Variants in ZRANB1 observed in about 807,000 individuals in gnomAD.
The protein encoded by ZRANB1 is ubiquitin thioesterase ZRANB1.
A neutral mutation model predicts 80.5 loss-of-function variants in ZRANB1; 16 were observed. That is an observed-to-expected ratio of 0.20 (90% CI 0.13 to 0.30). ZRANB1 has a LOEUF of 0.30. Ranked by LOEUF, ZRANB1 falls within the 10% of genes least tolerant of loss-of-function variation. The pLI is 1.00. For missense variants in ZRANB1, 576 were observed against 862.6 expected (o/e 0.67, Z 4.16); for synonymous variants, 291 against 293.1 (o/e 0.99, Z 0.07).
chr10:124,942,930 T>C lies in ZRANB1; in HGVS notation c.437T>C (p.Leu146Pro). Residue 146 changes from leucine (L) to proline (P), a missense_variant, in exon 1 of 9, where the codon CTG becomes CCG. This residue lies in a region of ZRANB1 where 411 missense variants were observed against 583.1 expected (regional missense o/e 0.70). Transcript: ENST00000359653. ...PCEEYNDRNK[L>P]NTRTQHWTCS... ...GAGGAATACAATGATAGAAATAAAC[T>C]GAACACTAGGACACAGCACTGGACT... 1 of 1,614,206 alleles carries C rather than the reference T, an allele frequency of 6.2e-7. No homozygotes were observed. The highest frequency in any genetic ancestry group is 8.5e-7 in the Non-Finnish European group (1 of 1,180,040).
chr10:124,976,055 A>G (rs1951873987), intron 5 of ZRANB1, among the ~76,000 whole-genome samples: 1 of 152,230 alleles, frequency 6.6e-6, no homozygotes, highest in Non-Finnish European at 1.5e-5. Flanking sequence ...TTGTGGGCAC[A>G]TTAGAGAAAT....
At chr10:124,953,835 G>A (rs1951663724) in intron 1 of ZRANB1, among the ~76,000 whole-genome samples, 1 of 152,158 alleles carries the variant, frequency 6.6e-6, no homozygotes, top group South Asian at 2.1e-4. Flanking sequence ...GGAAACTCGT[G>A]AAGTTGTTCA....
chr10:124,945,140 A>G (rs2134245211), intron 1 of ZRANB1: 1 of 152,318 alleles, frequency 6.6e-6, no homozygotes, highest in East Asian at 1.9e-4. Flanking sequence ...CTCATTTGGC[A>G]TTTAGTGCAT....
rs201503132 is a variant in ZRANB1 at position 124,982,572 on chromosome 10, T to TAC, written c.1549-601_1549-600dup. On this transcript the variant is annotated intron_variant, in intron 6 of 8. Coordinates refer to ENST00000359653, the MANE Select transcript of ZRANB1 (RefSeq NM_017580.3). ...CCAAACTGTAAAGTACAAATATATATACAACTACTCCTTTTTTTTTGCAGA... is the reference window on the plus strand; with the variant it reads ...CCAAACTGTAAAGTACAAATATATATACACAACTACTCCTTTTTTTTTGCAGA... 7.6e-3 allele frequency among the ~76,000 whole-genome samples: 1,157 copies of TAC among 152,312 alleles called. 14 individuals carry two copies. Among genetic ancestry groups the TAC allele is most frequent in the African/African-American group, 0.027 (1,119 of 41,560 alleles).
chr10:124,945,471 G>A (rs1018318670), intron 1 of ZRANB1: 2 of 139,276 alleles, frequency 1.4e-5, no homozygotes, highest in African/African-American at 5.7e-5. Context: ...GGACTACAAG[G>A]TGGTGTTATA....
Position 124,985,297 on chromosome 10 carries a change from T to G in ZRANB1, c.*305T>G, listed in dbSNP as rs1952008261. ...CGCATGTGGTTGTGTAAGACATTGT[T>G]TAATAGGAAAAGTTGTACCAGCATC... On this transcript the variant is annotated 3_prime_UTR_variant, in exon 9 of 9. Transcript: ENST00000359653. 1 of 240,618 alleles carries G rather than the reference T, an allele frequency of 4.2e-6. No homozygotes were observed. The highest frequency in any genetic ancestry group is 8.0e-6 in the Non-Finnish European group (1 of 125,572). The allele number at this position is 240,618 out of a possible 1,614,324, so 14.9% of individuals were successfully genotyped here. A position where few individuals can be genotyped will look rare whatever the true frequency, so the allele number is the denominator to read the frequency against.
intron 2 of ZRANB1, among the ~76,000 whole-genome samples, chr10:124,969,362 A>G (rs1376237044): frequency 1.3e-5 from 2 of 152,200 alleles, no homozygotes; most frequent in African/African-American, 4.8e-5. Context: ...TCCATGGAGT[A>G]AATACTCCAA....
intron 3 of ZRANB1, 80 bp downstream of exon 3, chr10:124,972,198 G>A: frequency 7.0e-7 from 1 of 1,430,900 alleles, no homozygotes; most frequent in Non-Finnish European, 9.6e-7. Context: ...AAATGTTTCT[G>A]TTAGAAAGCA....
the ZRANB1 span, among the ~76,000 whole-genome samples, chr10:124,929,728 A>G: frequency 6.6e-6 from 1 of 151,678 alleles, no homozygotes; most frequent in African/African-American, 2.4e-5. Context: ...CGGGTGGATC[A>G]TGAGGTCAGG....
chr10:124,958,519 A>AT (rs760932643), intron 1 of ZRANB1, among the ~76,000 whole-genome samples: 36 of 152,124 alleles, frequency 2.4e-4, no homozygotes, highest in Non-Finnish European at 4.4e-4. Context: ...AGTCTGTCAG[A>AT]TTTTTTGTGT....
chr10:124,962,689 TA>T (rs1951743907), intron 1 of ZRANB1, among the ~76,000 whole-genome samples: 1 of 135,566 alleles, frequency 7.4e-6, no homozygotes, highest in African/African-American at 3.0e-5. Flanking sequence ...GTTTGCTTTT[TA>T]TTTTTTTTAA....
chr10:124,952,350 C>T (rs538618781), intron 1 of ZRANB1, among the ~76,000 whole-genome samples: 9 of 152,234 alleles, frequency 5.9e-5, no homozygotes, highest in Admixed American at 4.6e-4. Context: ...AGAAGAGAAG[C>T]GGAGGCTTGA....
Position 124,987,092 on chromosome 10 carries a change from A to C in ZRANB1, c.*2100A>C, listed in dbSNP as rs1158352857. 1 of 152,644 alleles carries C rather than the reference A, an allele frequency of 6.6e-6. No homozygotes were observed. The highest frequency in any genetic ancestry group is 1.5e-5 in the Non-Finnish European group (1 of 68,042). The allele number at this position is 152,644 out of a possible 1,614,324, so 9.5% of individuals were successfully genotyped here. A position where few individuals can be genotyped will look rare whatever the true frequency, so the allele number is the denominator to read the frequency against. On this transcript the variant is annotated 3_prime_UTR_variant, in exon 9 of 9. Coordinates refer to ENST00000359653, the MANE Select transcript of ZRANB1 (RefSeq NM_017580.3). The stretch of plus-strand genomic sequence containing the variant: ...GGCTACAGACAGGAATGGGGCTCTA[A>C]ATGGTTTTCATAGACTGGCTGTTAA...
At position 124,983,129 on chromosome 10, in the gene ZRANB1, C is replaced by A; in HGVS notation, c.1549-46C>A. On this transcript the variant is annotated intron_variant, in intron 6 of 8. Transcript: ENST00000359653. This position sits in a 1 kb window ranked among gnomAD's most constrained non-coding sequence, Gnocchi z 6.2. Reference sequence around the variant, plus strand: ...TATTGTTTTTTACACATCAGTTTTCCAGGAGTGGTAATAAATGTTTTAAGT... The same window carrying A: ...TATTGTTTTTTACACATCAGTTTTCAAGGAGTGGTAATAAATGTTTTAAGT... 2 of 1,572,802 alleles carry A rather than the reference C, an allele frequency of 1.3e-6. No homozygotes were observed. Among genetic ancestry groups the A allele is most frequent in the Admixed American group, 1.8e-5 (1 of 54,208 alleles).
At chr10:124,979,107 C>T (rs1951909377) in intron 5 of ZRANB1, among the ~76,000 whole-genome samples, 1 of 152,094 alleles carries the variant, frequency 6.6e-6, no homozygotes, top group Non-Finnish European at 1.5e-5. Flanking sequence ...CAAATGATAA[C>T]AGTGTTGTTG....
intron 1 of ZRANB1, among the ~76,000 whole-genome samples, chr10:124,958,825 T>C (rs1035204218): frequency 6.6e-6 from 1 of 152,198 alleles, no homozygotes; most frequent in South Asian, 2.1e-4. Context: ...TTGTTCACTT[T>C]CGTTCACTTT....
chr10:124,942,205 T>A lies in ZRANB1; in HGVS notation c.-289T>A. 8.2e-7 allele frequency: 1 copy of A among 1,222,934 alleles called. No individual in the cohort carries two copies. The highest frequency in any genetic ancestry group is 1.0e-6 in the Non-Finnish European group (1 of 975,186). The allele number at this position is 1,222,934 out of a possible 1,614,324, so 75.8% of individuals were successfully genotyped here. ...TTCTTAGATCAAACCTCGTTATATC[T>A]CCTGCCTATCTCTTTTGCATTCCAA... On this transcript the variant is annotated 5_prime_UTR_variant, in exon 1 of 9. Coordinates refer to ENST00000359653, the MANE Select transcript of ZRANB1 (RefSeq NM_017580.3).
chr10:124,967,871 A>G (rs1019398487), intron 2 of ZRANB1, among the ~76,000 whole-genome samples: 16 of 151,896 alleles, frequency 1.1e-4, no homozygotes, highest in Admixed American at 9.8e-4. Context: ...ATTATTCAGA[A>G]TGTGACTACA....
chr10:124,969,880 C>T (rs901640910), intron 2 of ZRANB1, among the ~76,000 whole-genome samples: 4 of 152,018 alleles, frequency 2.6e-5, no homozygotes, highest in African/African-American at 9.7e-5. Flanking sequence ...AGGTGAGTGG[C>T]AGGCTTCAGG....
Sources: allele counts gnomAD v4.1 joint callset (sites outside exome capture counted in the v4.1 genomes callset), GRCh38; gene constraint gnomAD v4.1.1; regional missense constraint gnomAD v4.1.1; non-coding constraint Gnocchi (gnomAD v3.1); transcripts MANE v1.5; gene names NCBI Gene and HGNC (gene_info 2026-07-23, HGNC 2026-07-21).